SFXN5: variants seen among roughly 807,000 people sequenced by gnomAD.
SFXN5 encodes sideroflexin 5, also known as sideroflexin-5.
Under a neutral mutation model 50.2 loss-of-function variants are expected in SFXN5, and 43 were observed. That is an observed-to-expected ratio of 0.86 (90% CI 0.67 to 1.11). The LOEUF (loss-of-function observed/expected upper bound fraction) is 1.11. Ranked by LOEUF, SFXN5 falls within the 50% of genes least tolerant of loss-of-function variation. The probability of loss-of-function intolerance (pLI) is 0.00; values close to 1 mark genes in which losing one functional copy is unlikely to be tolerated. For synonymous variants in SFXN5, 203 were observed against 185.8 expected, an observed-to-expected ratio of 1.09 and a Z score of -0.75; for missense variants, 463 against 454.1, an observed-to-expected ratio of 1.02 and a Z score of -0.18.
chr2:73,056,465 C>A (rs1172777142), intron 2 of SFXN5, among the ~76,000 whole-genome samples: 1 of 151,904 alleles, frequency 6.6e-6, no homozygotes, highest in Non-Finnish European at 1.5e-5. Flanking sequence ...GTGGGTGGAT[C>A]ACCTGAGGTT....
chr2:73,069,262 T>A (rs977095402), intron 1 of SFXN5, among the ~76,000 whole-genome samples: 3 of 152,064 alleles, frequency 2.0e-5, no homozygotes, highest in Non-Finnish European at 4.4e-5. Flanking sequence ...CAGGGAGACC[T>A]GTTGTGAGGC....
chr2:73,014,020 GCTA>G (rs1392270741), intron 6 of SFXN5, among the ~76,000 whole-genome samples: 2 of 152,056 alleles, frequency 1.3e-5, no homozygotes, highest in East Asian at 1.9e-4. Context: ...TTACTACTCT[GCTA>G]CTATTTTTTC....
intron 2 of SFXN5, among the ~76,000 whole-genome samples, chr2:73,057,218 A>C (rs938505648): frequency 3.3e-5 from 5 of 152,176 alleles, no homozygotes; most frequent in Admixed American, 3.3e-4. Flanking sequence ...GGTTCACTGC[A>C]GCCTCAACTT....
chr2:73,028,117 G>A (rs1301010344), intron 3 of SFXN5, among the ~76,000 whole-genome samples: 1 of 152,198 alleles, frequency 6.6e-6, no homozygotes, highest in Non-Finnish European at 1.5e-5. Context: ...TACAGCCTAG[G>A]TGTGGAGTAG....
In SFXN5 at chr2:72,960,591, GC is replaced by G. The variant is rs1268859779; in HGVS notation, c.945+539del. Among the ~76,000 whole-genome samples, 1 of 152,222 alleles carries G rather than the reference GC, an allele frequency of 6.6e-6. No individual in the cohort carries two copies. Among genetic ancestry groups the G allele is most frequent in the Middle Eastern group, 3.4e-3 (1 of 294 alleles). On this transcript the variant is annotated intron_variant, in intron 13 of 13. Transcript: ENST00000272433. The surrounding 1 kb of genome is among the most constrained non-coding windows in gnomAD (Gnocchi z 6.1). ...AGGCATCTGTGGTCTGCCCTGCACA[GC>G]CCTTAGGAGGACATTCACCCTCTCT...
At chr2:72,978,113 T>C (rs1331664583) in intron 10 of SFXN5, among the ~76,000 whole-genome samples, 1 of 151,790 alleles carries the variant, frequency 6.6e-6, no homozygotes, top group East Asian at 1.9e-4. Context: ...TATCTAGAAT[T>C]TTTTTTTGTG....
At chr2:73,023,274 T>C in intron 3 of SFXN5, 60 bp from the exon 4 acceptor site, 1 of 1,505,696 alleles carries the variant, frequency 6.6e-7, no homozygotes, top group Non-Finnish European at 9.0e-7. Flanking sequence ...TATATCGGTT[T>C]AAGGCTTCCA....
At position 73,040,864 on chromosome 2, in the gene SFXN5, G is replaced by A; in HGVS notation, c.239C>T (p.Thr80Ile). ...YKHGTLRPGV[T>I]NEQLWSAQKI... ...CTCCCACAGAGTTACCTGTTCATTG[G>A]TGACCCCCGGGCGCAGGGTCCCATG... The change falls in exon 3 of 14, where the codon ACC becomes ATC. Residue 80 changes from threonine (T) to isoleucine (I), a missense_variant. Coordinates refer to ENST00000272433, the MANE Select transcript of SFXN5 (RefSeq NM_144579.3). The A allele has an allele frequency of 6.2e-7, 1 of 1,611,542 alleles. No homozygotes were observed. Among genetic ancestry groups the A allele is most frequent in the South Asian group, 1.1e-5 (1 of 90,440 alleles).
At position 72,945,610 on chromosome 2, in the gene SFXN5, G is replaced by A. The variant is rs139414994; in HGVS notation, c.946-511C>T. Among the ~76,000 whole-genome samples, 3 of 151,958 alleles carry A rather than the reference G, an allele frequency of 2.0e-5. No individual in the cohort carries two copies. Among genetic ancestry groups the A allele is most frequent in the Admixed American group, 6.5e-5 (1 of 15,268 alleles). ...CCTAAGCGCCCACACTCCACACTCCGACCACTCAGTCTTTACATCTTCCCC... is the reference window on the plus strand; with the variant it reads ...CCTAAGCGCCCACACTCCACACTCCAACCACTCAGTCTTTACATCTTCCCC... On this transcript the variant is annotated intron_variant, in intron 13 of 13. Coordinates refer to ENST00000272433, the MANE Select transcript of SFXN5 (RefSeq NM_144579.3). This position sits in a 1 kb window ranked among gnomAD's most constrained non-coding sequence, Gnocchi z 5.8.
At chr2:72,979,063 A>G (rs1055496288) in intron 10 of SFXN5, among the ~76,000 whole-genome samples, 1 of 152,268 alleles carries the variant, frequency 6.6e-6, no homozygotes, top group African/African-American at 2.4e-5. Flanking sequence ...AATAAATTTC[A>G]AAACCACAAT....
In SFXN5 at chr2:73,031,230, G is replaced by A. The variant is rs1227260131; in HGVS notation, c.250-8016C>T. Among the ~76,000 whole-genome samples, 4 of 152,312 alleles carry A rather than the reference G, an allele frequency of 2.6e-5. No homozygotes were observed. In the South Asian group the frequency reaches 8.3e-4, roughly 32 times the overall value. ...GTCCATGTAGCTGAGACCCACAGTG[G>A]CATCTGAGGGGAAGTGATGTGCCTT... On this transcript the variant is annotated intron_variant, in intron 3 of 13. Transcript: ENST00000272433.
In SFXN5 at chr2:73,024,320, C is replaced by A. The variant is rs1283034593; in HGVS notation, c.250-1106G>T. Among the ~76,000 whole-genome samples the A allele has an allele frequency of 2.0e-5, 3 of 152,244 alleles. No homozygotes were observed. The East Asian group carries it at 5.8e-4, about 29-fold the overall frequency. On this transcript the variant is annotated intron_variant, in intron 3 of 13. Transcript: ENST00000272433. ...TACAGGTGTGAGCCACCATGCCCAG[C>A]CCAGGCCTTTTCAAATCAAGGAAAC... is the stretch of plus-strand genomic sequence containing the variant.
intron 11 of SFXN5, 52 bp from the exon 12 acceptor site, chr2:72,968,585 A>ACAG (rs1484132450): frequency 6.5e-7 from 1 of 1,549,644 alleles, no homozygotes; most frequent in Non-Finnish European, 8.9e-7. Flanking sequence ...TGGTGACAGG[A>ACAG]CAGCACACCA....
At chr2:72,949,884 G>A (rs1309235152) in intron 13 of SFXN5, among the ~76,000 whole-genome samples, 1 of 152,044 alleles carries the variant, frequency 6.6e-6, no homozygotes, top group Non-Finnish European at 1.5e-5. Flanking sequence ...AGGAGCTGGG[G>A]TGGCTGGTGA....
At chr2:73,022,147 C>T (rs1676972810) in intron 5 of SFXN5, among the ~76,000 whole-genome samples, 1 of 152,166 alleles carries the variant, frequency 6.6e-6, no homozygotes, top group South Asian at 2.1e-4. Flanking sequence ...AAGGAAACAG[C>T]AGGTCACACA....
At chr2:72,985,037 A>C (rs1283664534) in intron 10 of SFXN5, among the ~76,000 whole-genome samples, 3 of 152,114 alleles carry the variant, frequency 2.0e-5, no homozygotes, top group African/African-American at 7.2e-5. Flanking sequence ...CACAGGGCAC[A>C]AGCCTCTTCA....
chr2:72,961,102 G>A lies in SFXN5; in HGVS notation c.945+29C>T, dbSNP rs773950301. Reference sequence around the variant, plus strand: ...ATCACCAAACAGCACCCCCTGCCCTGCCCTGCCCTTGAGCCCCTCCCCACT... The same window carrying A: ...ATCACCAAACAGCACCCCCTGCCCTACCCTGCCCTTGAGCCCCTCCCCACT... On this transcript the variant is annotated intron_variant, in intron 13 of 13. Transcript: ENST00000272433. This position sits in a 1 kb window ranked among gnomAD's most constrained non-coding sequence, Gnocchi z 4.4. 2.7e-6 allele frequency: 4 copies of A among 1,460,670 alleles called. No homozygotes were observed. The highest frequency in any genetic ancestry group is 2.5e-5 in the South Asian group (2 of 79,088). The allele number at this position is 1,460,670 out of a possible 1,614,324, so 90.5% of individuals were successfully genotyped here.
chr2:73,019,996 G>A (rs1676656409), intron 6 of SFXN5: 2 of 476,258 alleles, frequency 4.2e-6, no homozygotes, highest in East Asian at 3.8e-5. Flanking sequence ...AAAACGTGCA[G>A]GGAAGAAGGC....
chr2:73,046,101 T>C (rs1244225019), intron 2 of SFXN5, among the ~76,000 whole-genome samples: 1 of 152,172 alleles, frequency 6.6e-6, no homozygotes, highest in Non-Finnish European at 1.5e-5. Context: ...AAAAGTAAAC[T>C]TAGCAAAAAC....
Sources: gnomAD v4.1 joint callset for allele counts (sites outside exome capture counted in the v4.1 genomes callset) on GRCh38, gnomAD v4.1.1 for gene constraint, Gnocchi (gnomAD v3.1) non-coding constraint, MANE v1.5 for transcripts, NCBI Gene and HGNC (gene_info 2026-07-23, HGNC 2026-07-21) for gene names.